PHC3: variants seen among roughly 807,000 people sequenced by gnomAD.
PHC3 encodes polyhomeotic homolog 3.
In PHC3, 13 loss-of-function variants were observed where a neutral mutation model predicts 107.4. The observed-to-expected ratio is 0.12, with a 90% confidence interval of 0.08 to 0.19. The LOEUF (loss-of-function observed/expected upper bound fraction) is 0.19, where lower values mean the gene tolerates loss of function less well. Among genes scored for constraint, PHC3 ranks in the 10% least tolerant of loss-of-function variants. The probability of loss-of-function intolerance (pLI) is 1.00; values close to 1 mark genes in which losing one functional copy is unlikely to be tolerated. For missense variants in PHC3, 992 were observed against 1,210.9 expected (o/e 0.82, Z 2.68); for synonymous variants, 456 against 427.4 (o/e 1.07, Z -0.83).
At position 170,113,508 on chromosome 3, in the gene PHC3, G is replaced by A; in HGVS notation, c.2205C>T (p.Ser735=). 1.3e-6 allele frequency: 2 copies of A among 1,598,088 alleles called. No homozygotes were observed. Among genetic ancestry groups the A allele is most frequent in the South Asian group, 2.3e-5 (2 of 87,410 alleles). The part of the protein sequence containing the change: ...EGLEPFPVSR[S]SLLIEQPVKK... ...TCACAGGCTGTTCTATTAGCAAAGA[G>A]GAACGACTCACCTTTAAAAAAGGAG... The change falls in exon 11 of 15, where the codon TCC becomes TCT. Residue 735 remains serine, a synonymous_variant. Coordinates refer to ENST00000495893, the MANE Select transcript of PHC3 (RefSeq NM_024947.4).
At chr3:170,103,964 G>A (rs1715976828) in intron 12 of PHC3, among the ~76,000 whole-genome samples, 2 of 152,202 alleles carry the variant, frequency 1.3e-5, no homozygotes, top group African/African-American at 4.8e-5. Flanking sequence ...CAGCTACTTA[G>A]AAGGCTAAGG....
Position 170,113,473 on chromosome 3 carries a change from G to A in PHC3, c.2240C>T (p.Pro747Leu), listed in dbSNP as rs373903790. ...LLIEQPVKKR[P>L]LLDNQVINSV... is the part of the protein sequence containing the mutation. The stretch of plus-strand genomic sequence containing the variant: ...ATTTATCACCTGATTATCCAAAAGA[G>A]GCCGTTTTTTCACAGGCTGTTCTAT... The change falls in exon 11 of 15, where the codon CCT becomes CTT. Residue 747 changes from proline (P) to leucine (L), a missense_variant. Physicochemically the swap from Pro to Leu is moderately conservative, Grantham distance 98. Coordinates refer to ENST00000495893, the MANE Select transcript of PHC3 (RefSeq NM_024947.4). The A allele has an allele frequency of 1.2e-6, 2 of 1,611,842 alleles. No individual in the cohort carries two copies. The highest frequency in any genetic ancestry group is 8.5e-7 in the Non-Finnish European group (1 of 1,178,938).
chr3:170,144,428 T>C (rs1724628078), intron 6 of PHC3, among the ~76,000 whole-genome samples: 1 of 152,162 alleles, frequency 6.6e-6, no homozygotes, highest in African/African-American at 2.4e-5. Context: ...GGGGCTATTC[T>C]GAGTACCGCT....
At chr3:170,119,007 C>G (rs571729794) in intron 9 of PHC3, among the ~76,000 whole-genome samples, 2 of 119,498 alleles carry the variant, frequency 1.7e-5, no homozygotes, top group Admixed American at 9.2e-5. Flanking sequence ...TGTTTAAAGT[C>G]ACACAAAGTC....
intron 11 of PHC3, among the ~76,000 whole-genome samples, chr3:170,112,605 C>T (rs1286212283): frequency 1.3e-5 from 2 of 149,482 alleles, no homozygotes; most frequent in Non-Finnish European, 3.0e-5. Context: ...CTCACTGCAA[C>T]CTCCGCCTCT....
intron 4 of PHC3, among the ~76,000 whole-genome samples, chr3:170,150,862 CTTT>C (rs749222264): frequency 2.6e-5 from 4 of 151,806 alleles, no homozygotes; most frequent in Admixed American, 2.0e-4. Flanking sequence ...AAAGCATACT[CTTT>C]TTTTTATCTT....
chr3:170,178,167 G>T (rs961742734), intron 2 of PHC3, among the ~76,000 whole-genome samples: 1 of 145,042 alleles, frequency 6.9e-6, no homozygotes, highest in African/African-American at 2.6e-5. Flanking sequence ...TTTTTGAGAC[G>T]GAGTCTCGTT....
intron 5 of PHC3, 150 bp downstream of exon 5, chr3:170,148,936 T>C (rs1471740095): frequency 1.6e-6 from 1 of 632,954 alleles, no homozygotes. Context: ...ATGACATAAA[T>C]GTACAAGAGC....
intron 6 of PHC3, among the ~76,000 whole-genome samples, chr3:170,142,289 G>T (rs979327623): frequency 6.6e-6 from 1 of 151,856 alleles, no homozygotes; most frequent in Non-Finnish European, 1.5e-5. Context: ...AGAGGTTAAG[G>T]ACTTATAATA....
intron 14 of PHC3, among the ~76,000 whole-genome samples, chr3:170,098,207 A>G (rs1039465857): frequency 6.6e-6 from 1 of 152,164 alleles, no homozygotes; most frequent in Non-Finnish European, 1.5e-5. Context: ...CAAATTACTC[A>G]ATAAACTTAC....
chr3:170,157,575 A>AAT (rs1485309605), intron 4 of PHC3, among the ~76,000 whole-genome samples: 1 of 152,218 alleles, frequency 6.6e-6, no homozygotes, highest in Non-Finnish European at 1.5e-5. Context: ...AGAATCCTTA[A>AAT]AAACAATGAG....
intron 4 of PHC3, among the ~76,000 whole-genome samples, chr3:170,153,562 G>C (rs1180018947): frequency 6.6e-6 from 1 of 152,002 alleles, no homozygotes; most frequent in Non-Finnish European, 1.5e-5. Context: ...AGGAGATTGA[G>C]ACCATCCTGG....
chr3:170,154,697 A>G (rs1023536357), intron 4 of PHC3, among the ~76,000 whole-genome samples: 3 of 152,234 alleles, frequency 2.0e-5, no homozygotes, highest in African/African-American at 7.2e-5. Context: ...TTGTGAGATC[A>G]AAGAACAAGT....
At chr3:170,106,744 T>G (rs1003405630) in intron 12 of PHC3, 88 bp downstream of exon 12, 60 of 670,876 alleles carry the variant, frequency 8.9e-5, no homozygotes, top group Middle Eastern at 5.1e-4. Context: ...TATCTATAGT[T>G]ATCCTTGGTA....
chr3:170,181,578 G>A, intron 1 of PHC3, 124 bp downstream of exon 1: 2 of 1,398,572 alleles, frequency 1.4e-6, no homozygotes, highest in Admixed American at 1.8e-5. Flanking sequence ...CGATAGGACG[G>A]GTCTCGAGTC....
chr3:170,180,595 A>G (rs1398505386), intron 1 of PHC3, among the ~76,000 whole-genome samples: 1 of 147,742 alleles, frequency 6.8e-6, no homozygotes, highest in Non-Finnish European at 1.5e-5. Context: ...ACTGCCTTCC[A>G]ATCAAATCAC....
intron 10 of PHC3, 61 bp downstream of exon 10, chr3:170,117,165 T>G: frequency 1.3e-6 from 2 of 1,596,808 alleles, no homozygotes; most frequent in Admixed American, 3.3e-5. Context: ...CAGTAATATG[T>G]AACTTTTAAA....
chr3:170,118,118 T>C (rs1719415179), intron 9 of PHC3, among the ~76,000 whole-genome samples: 1 of 151,806 alleles, frequency 6.6e-6, no homozygotes, highest in East Asian at 1.9e-4. Context: ...TTGATGTTTC[T>C]TAATTTTAAG....
chr3:170,131,402 G>T (rs971942452), intron 7 of PHC3, among the ~76,000 whole-genome samples: 1 of 152,074 alleles, frequency 6.6e-6, no homozygotes, highest in Non-Finnish European at 1.5e-5. Context: ...GTATAGGTGG[G>T]TATTATTATT....
Sources: gnomAD v4.1 joint callset for allele counts (sites outside exome capture counted in the v4.1 genomes callset) on GRCh38, gnomAD v4.1.1 for gene constraint, MANE v1.5 for transcripts, NCBI Gene and HGNC (gene_info 2026-07-23, HGNC 2026-07-21) for gene names.